The following RYR3 variants were observed in gnomAD, a reference collection of about 807,000 sequenced individuals.
RYR3 encodes ryanodine receptor 3.
In RYR3, 207 loss-of-function variants were observed where a neutral mutation model predicts 584.3. That is an observed-to-expected ratio of 0.35 (90% confidence interval 0.32 to 0.40). The LOEUF (loss-of-function observed/expected upper bound fraction) is 0.40. Among genes scored for constraint, RYR3 ranks in the 10% least tolerant of loss-of-function variants. The pLI is 1.00. For missense variants in RYR3, 5,616 were observed against 6,089.2 expected, an observed-to-expected ratio of 0.92 and a Z score of 2.59; for synonymous variants, 2,416 against 2,248.5, an observed-to-expected ratio of 1.07 and a Z score of -2.11.
chr15:33,504,107 G>A (rs1186327631), intron 3 of RYR3, among the ~76,000 whole-genome samples: 1 of 152,186 alleles, frequency 6.6e-6, no homozygotes, highest in Non-Finnish European at 1.5e-5. Flanking sequence ...ACCTCACTGG[G>A]GAGTTAGGAC....
Position 33,613,240 on chromosome 15 carries a change from T to C in RYR3, c.2222T>C (p.Val741Ala). The C allele has an allele frequency of 2.5e-6, 4 of 1,613,908 alleles. No individual in the cohort carries two copies. Among genetic ancestry groups the C allele is most frequent in the Non-Finnish European group, 3.4e-6 (4 of 1,179,842 alleles). The change falls in exon 19 of 104, where the codon GTG (valine) becomes GCG (alanine). Residue 741 changes from valine to alanine, a missense_variant. Physicochemically the swap from Val to Ala is moderately conservative, Grantham distance 64. Transcript: ENST00000634891. ...INQHLLRSDD[V>A]VSCCLDLGVP... is the part of the protein sequence containing the mutation. ...CAGCACCTCCTGAGATCGGATGACG[T>C]GGTAAGCTGCTGCCTGGACCTCGGG... is the stretch of plus-strand genomic sequence containing the variant.
chr15:33,425,341 G>C (rs2044527486), intron 1 of RYR3, among the ~76,000 whole-genome samples: 1 of 152,206 alleles, frequency 6.6e-6, no homozygotes, highest in African/African-American at 2.4e-5. Flanking sequence ...TTGCTGGAGA[G>C]GCTGTGGGAA....
intron 41 of RYR3, 90 bp from the exon 42 acceptor site, chr15:33,700,887 C>A: frequency 1.1e-6 from 1 of 870,574 alleles, no homozygotes; most frequent in Non-Finnish European, 1.8e-6. Flanking sequence ...TTGCTGCCCT[C>A]TCCTGTCCGC....
chr15:33,578,681 G>A (rs2058428574), intron 12 of RYR3, among the ~76,000 whole-genome samples: 1 of 151,906 alleles, frequency 6.6e-6, no homozygotes, highest in South Asian at 2.1e-4. Flanking sequence ...CTTAGGTCAG[G>A]GGTTGTTAGG....
chr15:33,818,800 C>G (rs2076956378), intron 76 of RYR3, 116 bp downstream of exon 76: 1 of 709,042 alleles, frequency 1.4e-6, no homozygotes, highest in Non-Finnish European at 2.4e-6. Flanking sequence ...TTGAGCAGCC[C>G]TCCTTGCTGC....
intron 10 of RYR3, among the ~76,000 whole-genome samples, chr15:33,553,164 C>T (rs1181481988): frequency 1.3e-5 from 2 of 152,110 alleles, no homozygotes; most frequent in Non-Finnish European, 2.9e-5. Flanking sequence ...GCAGGGTATT[C>T]ATCTGATCCT....
chr15:33,763,137 A>G (rs918776838), intron 60 of RYR3, among the ~76,000 whole-genome samples: 6 of 152,232 alleles, frequency 3.9e-5, no homozygotes, highest in African/African-American at 1.4e-4. Flanking sequence ...TTAAAGACTT[A>G]AACATAAGAC....
chr15:33,461,211 T>C (rs957408792), intron 1 of RYR3, among the ~76,000 whole-genome samples: 1 of 152,092 alleles, frequency 6.6e-6, no homozygotes, highest in Non-Finnish European at 1.5e-5. Flanking sequence ...CCCAAAGTGC[T>C]GGGATTACAG....
At chr15:33,583,719 A>G (rs1486006331) in intron 14 of RYR3, among the ~76,000 whole-genome samples, 1 of 152,170 alleles carries the variant, frequency 6.6e-6, no homozygotes, top group East Asian at 1.9e-4. Context: ...CCAAGAGTTC[A>G]AGACCAGCTT....
intron 60 of RYR3, among the ~76,000 whole-genome samples, chr15:33,766,251 C>G (rs2073049901): frequency 6.7e-6 from 1 of 150,156 alleles, no homozygotes; most frequent in Non-Finnish European, 1.5e-5. Flanking sequence ...CCACTATACT[C>G]CAGCCTGGAC....
chr15:33,726,571 C>A, intron 46 of RYR3, 65 bp downstream of exon 46: 1 of 1,499,802 alleles, frequency 6.7e-7, no homozygotes, highest in Non-Finnish European at 8.9e-7. Flanking sequence ...GGGCAGGACT[C>A]TGTCCCCAGC....
At chr15:33,497,854 C>T (rs1239130374) in intron 2 of RYR3, among the ~76,000 whole-genome samples, 3 of 152,150 alleles carry the variant, frequency 2.0e-5, no homozygotes, top group East Asian at 3.9e-4. Flanking sequence ...ATCCATTAAC[C>T]AGCCTCCCTC....
At chr15:33,436,846 TTTAAG>T (rs1392225614) in intron 1 of RYR3, among the ~76,000 whole-genome samples, 2 of 152,194 alleles carry the variant, frequency 1.3e-5, no homozygotes, top group East Asian at 3.8e-4. Flanking sequence ...TGTATTAGCC[TTTAAG>T]TTATTTATTT....
intron 3 of RYR3, among the ~76,000 whole-genome samples, chr15:33,513,098 A>G (rs1310587535): frequency 6.6e-6 from 1 of 152,240 alleles, no homozygotes; most frequent in Non-Finnish European, 1.5e-5. Flanking sequence ...TTTTGAAAAT[A>G]AAGCACATTT....
At chr15:33,744,816 C>A (rs1420903950) in intron 52 of RYR3, among the ~76,000 whole-genome samples, 1 of 152,114 alleles carries the variant, frequency 6.6e-6, no homozygotes, top group Non-Finnish European at 1.5e-5. Flanking sequence ...CTGGAGAGGT[C>A]AACATGATCA....
chr15:33,503,079 G>A (rs2052143502), intron 2 of RYR3, among the ~76,000 whole-genome samples: 1 of 152,000 alleles, frequency 6.6e-6, no homozygotes, highest in Non-Finnish European at 1.5e-5. Context: ...ATTGTTATAG[G>A]GATCATCAAT....
At chr15:33,511,270 A>G (rs1185683193) in intron 3 of RYR3, among the ~76,000 whole-genome samples, 2 of 151,640 alleles carry the variant, frequency 1.3e-5, no homozygotes, top group Non-Finnish European at 2.9e-5. Context: ...CGCTCTTGCA[A>G]ACCTCTAAGA....
intron 19 of RYR3, among the ~76,000 whole-genome samples, chr15:33,618,642 A>G (rs978063265): frequency 1.3e-5 from 2 of 152,234 alleles, no homozygotes; most frequent in Non-Finnish European, 2.9e-5. Context: ...TCTTAACCAC[A>G]GCTTGTATCC....
chr15:33,370,606 C>T (rs536551414), intron 1 of RYR3, among the ~76,000 whole-genome samples: 59 of 152,170 alleles, frequency 3.9e-4, no homozygotes, highest in Non-Finnish European at 7.4e-4. Context: ...ATTATAGGTG[C>T]CCAGGTTTTC....
Sources: gnomAD v4.1 joint callset for allele counts (sites outside exome capture counted in the v4.1 genomes callset) on GRCh38, gnomAD v4.1.1 for gene constraint, MANE v1.5 for transcripts, NCBI Gene and HGNC (gene_info 2026-07-23, HGNC 2026-07-21) for gene names.